ITFG1: variants seen among roughly 807,000 people sequenced by gnomAD.
The protein encoded by ITFG1 is integrin alpha FG-GAP repeat containing 1.
Under a neutral mutation model 81.8 loss-of-function variants are expected in ITFG1, and 34 were observed. The observed-to-expected ratio is 0.42, with a 90% CI of 0.32 to 0.55. The LOEUF (loss-of-function observed/expected upper bound fraction) is 0.55, where lower values mean the gene tolerates loss of function less well. Among genes scored for constraint, ITFG1 ranks in the 20% least tolerant of loss-of-function variants. The pLI is 0.17. For synonymous variants in ITFG1, 285 were observed against 270.6 expected (o/e 1.05, Z -0.52); for missense variants, 672 against 755.4 (o/e 0.89, Z 1.29).
intron 13 of ITFG1, among the ~76,000 whole-genome samples, chr16:47,228,803 T>G (rs143923487): frequency 5.9e-5 from 9 of 152,372 alleles, no homozygotes; most frequent in African/African-American, 2.2e-4. Flanking sequence ...TAAAAATTAA[T>G]TGTTGTAACA....
At chr16:47,180,915 T>C (rs375490050) in intron 14 of ITFG1, among the ~76,000 whole-genome samples, 3 of 134,448 alleles carry the variant, frequency 2.2e-5, no homozygotes, top group East Asian at 2.3e-4. Flanking sequence ...TCTGCCCGGC[T>C]GCCATCCTGT....
At chr16:47,452,698 T>A (rs766813516) in intron 4 of ITFG1, 35 bp downstream of exon 4, 33 of 1,428,924 alleles carry the variant, frequency 2.3e-5, no homozygotes, top group Non-Finnish European at 3.2e-5. Context: ...TGTTTAAGTT[T>A]AAAATCGTTT....
rs150096598 is a variant in ITFG1 at position 47,174,811 on chromosome 16, C to T, written c.1454-12147G>A. Reference sequence around the variant, plus strand: ...CTGGGATTACAGGCATGAGCCACCGCGCCCGGCCTCTCTGAAAGGTTTTAA... The same window carrying T: ...CTGGGATTACAGGCATGAGCCACCGTGCCCGGCCTCTCTGAAAGGTTTTAA... On this transcript the variant is annotated intron_variant, in intron 14 of 17. Transcript: ENST00000320640. Among the ~76,000 whole-genome samples the T allele has an allele frequency of 2.2e-3, 328 of 152,344 alleles. 8 individuals carry two copies. In the East Asian group the frequency reaches 0.053, roughly 25 times the overall value.
chr16:47,374,828 T>A (rs1303672401), intron 7 of ITFG1, among the ~76,000 whole-genome samples: 2 of 152,124 alleles, frequency 1.3e-5, no homozygotes, highest in African/African-American at 4.8e-5. Flanking sequence ...TCTGATTTCA[T>A]CTAAACAAAG....
intron 8 of ITFG1, among the ~76,000 whole-genome samples, chr16:47,325,720 T>C (rs867282274): frequency 1.6e-4 from 24 of 151,742 alleles, no homozygotes; most frequent in Non-Finnish European, 2.8e-4. Context: ...ACTAGAAAAT[T>C]TAGAAGAAAT....
intron 15 of ITFG1, 124 bp downstream of exon 15, chr16:47,162,415 AG>A: frequency 1.2e-6 from 1 of 840,844 alleles, no homozygotes. Context: ...TATTCTTTAA[AG>A]GGAATAAAAA....
At chr16:47,437,087 T>A (rs1969176724) in intron 5 of ITFG1, among the ~76,000 whole-genome samples, 1 of 152,208 alleles carries the variant, frequency 6.6e-6, no homozygotes, top group Admixed American at 6.5e-5. Flanking sequence ...TATATTTTGA[T>A]CAAAATATTC....
intron 14 of ITFG1, among the ~76,000 whole-genome samples, chr16:47,164,535 A>T (rs1411198749): frequency 6.6e-6 from 1 of 152,350 alleles, no homozygotes; most frequent in South Asian, 2.1e-4. Flanking sequence ...GGAATTTGCA[A>T]AGTCTTCTAG....
intron 2 of ITFG1, among the ~76,000 whole-genome samples, chr16:47,457,096 G>A (rs1226520706): frequency 6.6e-6 from 1 of 152,156 alleles, no homozygotes. Flanking sequence ...GATCACCTGA[G>A]GTCGGGAGCT....
chr16:47,214,447 C>G (rs532086895), intron 14 of ITFG1, among the ~76,000 whole-genome samples: 1 of 152,288 alleles, frequency 6.6e-6, no homozygotes, highest in South Asian at 2.1e-4. Flanking sequence ...CAACAACTCA[C>G]TAGTCTACAA....
intron 13 of ITFG1, among the ~76,000 whole-genome samples, chr16:47,226,689 A>G (rs1469151012): frequency 1.3e-5 from 2 of 151,762 alleles, no homozygotes; most frequent in Non-Finnish European, 2.9e-5. Context: ...TCCCTTTTCT[A>G]TTACATAGTT....
At chr16:47,208,279 T>A (rs141283262) in intron 14 of ITFG1, among the ~76,000 whole-genome samples, 1 of 152,322 alleles carries the variant, frequency 6.6e-6, no homozygotes. Flanking sequence ...ATGAATCAGA[T>A]TCTTCAGCTC....
intron 10 of ITFG1, among the ~76,000 whole-genome samples, chr16:47,267,820 G>C (rs936456481): frequency 6.6e-6 from 1 of 151,874 alleles, no homozygotes; most frequent in Non-Finnish European, 1.5e-5. Context: ...TGAGTACAAA[G>C]AAAAATTCGA....
chr16:47,331,718 AACTT>A (rs1967639717), intron 8 of ITFG1, among the ~76,000 whole-genome samples: 1 of 152,176 alleles, frequency 6.6e-6, no homozygotes. Context: ...TAAGTAGACT[AACTT>A]GAAATAGCCT....
chr16:47,411,283 A>G (rs1968807295), intron 6 of ITFG1, among the ~76,000 whole-genome samples: 1 of 152,130 alleles, frequency 6.6e-6, no homozygotes, highest in Admixed American at 6.5e-5. Context: ...TGTCGCCCAT[A>G]TGCCAGCCAC....
At chr16:47,442,972 G>A (rs936453307) in intron 5 of ITFG1, among the ~76,000 whole-genome samples, 5 of 152,114 alleles carry the variant, frequency 3.3e-5, no homozygotes, top group Admixed American at 2.6e-4. Context: ...GCAACCTACA[G>A]AATGGGAGAA....
chr16:47,430,124 T>A (rs1012347353), intron 5 of ITFG1, among the ~76,000 whole-genome samples: 2 of 151,024 alleles, frequency 1.3e-5, no homozygotes, highest in African/African-American at 2.4e-5. Flanking sequence ...GTGGTGCGAT[T>A]TCCGCTCACT....
At chr16:47,162,734 G>A (rs545026493) in intron 14 of ITFG1, 70 bp from the exon 15 acceptor site, 24 of 1,379,696 alleles carry the variant, frequency 1.7e-5, no homozygotes, top group Non-Finnish European at 2.3e-5. Context: ...ATATTAAAAT[G>A]ATAAAATGTT....
chr16:47,430,057 CTTTTTTTT>C (rs920966590), intron 5 of ITFG1, among the ~76,000 whole-genome samples: 33 of 122,016 alleles, frequency 2.7e-4, no homozygotes, highest in East Asian at 4.6e-4. Flanking sequence ...TTTTACTTTT[CTTTTTTTT>C]TTTTTTTTTT....
Sources: gnomAD v4.1 joint callset for allele counts (sites outside exome capture counted in the v4.1 genomes callset) on GRCh38, gnomAD v4.1.1 for gene constraint, MANE v1.5 for transcripts, NCBI Gene and HGNC (gene_info 2026-07-23, HGNC 2026-07-21) for gene names.